FKBP4: variants seen among roughly 807,000 people sequenced by gnomAD.
The protein encoded by FKBP4 is FKBP prolyl isomerase 4, also known as peptidyl-prolyl cis-trans isomerase FKBP4.
In FKBP4, 28 loss-of-function variants were observed where a neutral mutation model predicts 54.1. The observed-to-expected ratio is 0.52, with a 90% CI of 0.38 to 0.71. The LOEUF is 0.71. Among genes scored for constraint, FKBP4 ranks in the 30% least tolerant of loss-of-function variants. The probability of loss-of-function intolerance (pLI) is 0.00; values close to 1 mark genes in which losing one functional copy is unlikely to be tolerated. For missense variants in FKBP4, 493 were observed against 574.4 expected (o/e 0.86, Z 1.45); for synonymous variants, 223 against 216.1 (o/e 1.03, Z -0.28).
At chr12:2,800,827 CT>C (rs1338166983) in intron 8 of FKBP4, among the ~76,000 whole-genome samples, 1 of 152,200 alleles carries the variant, frequency 6.6e-6, no homozygotes, top group Non-Finnish European at 1.5e-5. Context: ...TTTCTTCCAC[CT>C]TGGTTCTTAG....
At chr12:2,800,324 T>C (rs2097904043) in intron 7 of FKBP4, 68 bp from the exon 8 acceptor site, 1 of 1,514,494 alleles carries the variant, frequency 6.6e-7, no homozygotes. Context: ...GTCACTGATG[T>C]CTGCAGGGTA....
intron 9 of FKBP4, 188 bp downstream of exon 9, chr12:2,801,544 C>T (rs1013635410): frequency 1.3e-6 from 1 of 786,510 alleles, no homozygotes; most frequent in Non-Finnish European, 2.1e-6. Context: ...GGAAACCTAC[C>T]CACAAGCCCC....
intron 2 of FKBP4, 130 bp downstream of exon 2, chr12:2,797,412 T>A: frequency 4.8e-6 from 5 of 1,038,018 alleles, no homozygotes; most frequent in Non-Finnish European, 6.8e-6. Context: ...TTTCGGTCAC[T>A]CTTTTTTTTT....
chr12:2,799,602 T>G (rs2097903652), intron 5 of FKBP4, among the ~76,000 whole-genome samples: 1 of 152,226 alleles, frequency 6.6e-6, no homozygotes, highest in African/African-American at 2.4e-5. Context: ...TAATTCTAGC[T>G]CATTGTTTAG....
chr12:2,797,373 A>G, intron 2 of FKBP4, 91 bp downstream of exon 2: 1 of 1,443,618 alleles, frequency 6.9e-7, no homozygotes. Flanking sequence ...AAGCTCAGGG[A>G]GGAATGGTTT....
At chr12:2,796,423 T>C in intron 1 of FKBP4, 1 of 1,279,964 alleles carries the variant, frequency 7.8e-7, no homozygotes, top group Non-Finnish European at 1.0e-6. Flanking sequence ...TTTCTACTCC[T>C]CAAAGCCCCT....
intron 8 of FKBP4, 116 bp from the exon 9 acceptor site, chr12:2,801,001 C>T (rs569500637): frequency 1.5e-4 from 207 of 1,407,814 alleles, no homozygotes; most frequent in East Asian, 6.9e-5. Context: ...TGGGGTGCAG[C>T]CAGCCACTTG....
intron 8 of FKBP4, 95 bp from the exon 9 acceptor site, chr12:2,801,022 C>T (rs2097904440): frequency 6.5e-7 from 1 of 1,528,370 alleles, no homozygotes; most frequent in Non-Finnish European, 8.8e-7. Context: ...CATTCCTCCT[C>T]ATCCTCCTGA....
At position 2,798,274 on chromosome 12, in the gene FKBP4, TGAG is replaced by T. The variant is rs745604527; in HGVS notation, c.393+407_393+409del. On this transcript the variant is annotated intron_variant, in intron 3 of 9. Coordinates refer to ENST00000001008, the MANE Select transcript of FKBP4 (RefSeq NM_002014.4). This position sits in a 1 kb window ranked among gnomAD's most constrained non-coding sequence, Gnocchi z 4.3. Reference sequence around the variant, plus strand: ...GTCAAGGGCTGAGAAAAGGCTTCACTGAGGAGATAGAACTTGACATTGTTCAAT... The same window carrying T: ...GTCAAGGGCTGAGAAAAGGCTTCACTGAGATAGAACTTGACATTGTTCAAT... Among the ~76,000 whole-genome samples the T allele has an allele frequency of 1.6e-4, 25 of 152,192 alleles. No individual in the cohort carries two copies. The highest frequency in any genetic ancestry group is 2.8e-4 in the Non-Finnish European group (19 of 68,028).
rs74054744 is a variant in FKBP4 at position 2,799,686 on chromosome 12, G to T, written c.672-164G>T. Among the ~76,000 whole-genome samples the T allele has an allele frequency of 3.3e-3, 508 of 152,312 alleles. 10 individuals are homozygous for T. The highest frequency in any genetic ancestry group is 0.012 in the African/African-American group (493 of 41,558). On this transcript the variant is annotated intron_variant, in intron 5 of 9. Coordinates refer to ENST00000001008, the MANE Select transcript of FKBP4 (RefSeq NM_002014.4). ...ATTAGAAGGGTATGAAGGATGCTGA[G>T]GGACCATCTGACAGTGTGAAGAGGC...
At position 2,798,181 on chromosome 12, in the gene FKBP4, G is replaced by A. The variant is rs1328491901; in HGVS notation, c.393+310G>A. On this transcript the variant is annotated intron_variant, in intron 3 of 9. Transcript: ENST00000001008. This position sits in a 1 kb window ranked among gnomAD's most constrained non-coding sequence, Gnocchi z 4.3. ...GTCGGGATGTCAGAAACTATGTCCC[G>A]TTATAAATGGCAGTACAGAATATTG... is the stretch of plus-strand genomic sequence containing the variant. 3.9e-5 allele frequency among the ~76,000 whole-genome samples: 6 copies of A among 152,324 alleles called. No individual in the cohort carries two copies. Among genetic ancestry groups the A allele is most frequent in the Admixed American group, 2.6e-4 (4 of 15,300 alleles).
Position 2,795,219 on chromosome 12 carries a change from C to T in FKBP4, c.80C>T (p.Pro27Leu). ...CCCATGGAGGGAGTGGACATCAGCC[C>T]CAAACAGGACGAAGGCGTGCTGAAG... ...PLPMEGVDIS[P>L]KQDEGVLKVI... is the part of the protein sequence containing the mutation. The change falls in exon 1 of 10, where the codon CCC (proline) becomes CTC (leucine). Residue 27 changes from proline (P) to leucine (L), a missense_variant. Physicochemically the swap from Pro to Leu is moderately conservative, Grantham distance 98. Coordinates refer to ENST00000001008, the MANE Select transcript of FKBP4 (RefSeq NM_002014.4). The surrounding 1 kb of genome is among the most constrained non-coding windows in gnomAD (Gnocchi z 4.3). The T allele has an allele frequency of 7.5e-7, 1 of 1,338,882 alleles. No homozygotes were observed. Among genetic ancestry groups the T allele is most frequent in the Non-Finnish European group, 9.6e-7 (1 of 1,037,940 alleles). The allele number at this position is 1,338,882 out of a possible 1,614,324, so 82.9% of individuals were successfully genotyped here.
rs1253184834 is a variant in FKBP4 at position 2,799,155 on chromosome 12, G to T, written c.582G>T (p.Glu194Asp). 1 of 1,593,282 alleles carries T rather than the reference G, an allele frequency of 6.3e-7. No individual in the cohort carries two copies. Among genetic ancestry groups the T allele is most frequent in the Non-Finnish European group, 8.5e-7 (1 of 1,172,014 alleles). ...GGGAGCTCCGCTTTGAGATTGGCGAGGGGGAGAACCTGGATCTGCCTTATG... is the reference window on the plus strand; with the variant it reads ...GGGAGCTCCGCTTTGAGATTGGCGATGGGGAGAACCTGGATCTGCCTTATG... ...DQRELRFEIG[E>D]GENLDLPYGL... The change falls in exon 5 of 10, where the codon GAG becomes GAT. Residue 194 changes from glutamate to aspartate, a missense_variant. Glu to Asp is a conservative substitution (Grantham distance 45, BLOSUM62 2). Transcript: ENST00000001008.
rs1275513999 is a variant in FKBP4, at chr12:2,794,995, C to T, written c.-145C>T. The T allele has an allele frequency of 1.7e-5, 6 of 360,398 alleles. No homozygotes were observed. The highest frequency in any genetic ancestry group is 2.4e-5 in the Non-Finnish European group (5 of 209,348). The allele number at this position is 360,398 out of a possible 1,614,324, so 22.3% of individuals were successfully genotyped here. On this transcript the variant is annotated 5_prime_UTR_variant, in exon 1 of 10. Transcript: ENST00000001008. The stretch of plus-strand genomic sequence containing the variant: ...CCTACCCCAGCTCTCGCGCCGCGTG[C>T]AGAGGTGCTCAAGCCTCCTCGCGGT...
At position 2,798,556 on chromosome 12, in the gene FKBP4, A is replaced by G. The variant is rs776083883; in HGVS notation, c.394-150A>G. On this transcript the variant is annotated intron_variant, in intron 3 of 9. Transcript: ENST00000001008. The surrounding 1 kb of genome is among the most constrained non-coding windows in gnomAD (Gnocchi z 4.3). ...ATTAGGGCAGCTCCCAAGAACTGAA[A>G]AAAAGTGCCACTCTACCCAACTCCT... 19 of 1,308,722 alleles carry G rather than the reference A, an allele frequency of 1.5e-5. No homozygotes were observed. Among genetic ancestry groups the G allele is most frequent in the Non-Finnish European group, 2.0e-5 (19 of 944,702 alleles). 81.1% of individuals were successfully genotyped at this position (1,308,722 alleles called of 1,614,324 possible). A position where few individuals can be genotyped will look rare whatever the true frequency, so the allele number is the denominator to read the frequency against.
intron 7 of FKBP4, 120 bp from the exon 8 acceptor site, chr12:2,800,272 G>A (rs1603481575): frequency 1.5e-6 from 2 of 1,368,810 alleles, no homozygotes; most frequent in East Asian, 2.4e-5. Context: ...TGCTGGCCTT[G>A]CCAGTGGGAA....
At chr12:2,796,180 G>C (rs1259270356) in intron 1 of FKBP4, 6 of 1,281,188 alleles carry the variant, frequency 4.7e-6, no homozygotes, top group Non-Finnish European at 6.1e-6. Flanking sequence ...CCTCATCCTG[G>C]CTTCCCACCG....
chr12:2,796,732 T>G lies in FKBP4; in HGVS notation c.106-406T>G, dbSNP rs1304401013. The G allele has an allele frequency of 4.7e-6, 5 of 1,066,420 alleles. No homozygotes were observed. The South Asian group carries it at 1.4e-4, about 30-fold the overall frequency. 66.1% of individuals were successfully genotyped at this position (1,066,420 alleles called of 1,614,324 possible). A position where few individuals can be genotyped will look rare whatever the true frequency, so the allele number is the denominator to read the frequency against. On this transcript the variant is annotated intron_variant, in intron 1 of 9. Transcript: ENST00000001008. The stretch of plus-strand genomic sequence containing the variant: ...CTGGCATGAAGGAAGAAGGAGGAAG[T>G]GTGGCATAAATACTTCCCCCTTTGC...
chr12:2,802,516 A>G (rs1316831012), intron 9 of FKBP4, among the ~76,000 whole-genome samples: 1 of 152,196 alleles, frequency 6.6e-6, no homozygotes, highest in East Asian at 1.9e-4. Context: ...TCTGGTAACC[A>G]TGTTAAAAAG....
Sources: allele counts gnomAD v4.1 joint callset (sites outside exome capture counted in the v4.1 genomes callset), GRCh38; gene constraint gnomAD v4.1.1; non-coding constraint Gnocchi (gnomAD v3.1); transcripts MANE v1.5; gene names NCBI Gene and HGNC (gene_info 2026-07-23, HGNC 2026-07-21).